CP: variants seen among roughly 807,000 people sequenced by gnomAD.
The protein encoded by CP is caeruloplasmin.
Under a neutral mutation model 122.4 loss-of-function variants are expected in CP, and 64 were observed. The ratio of observed to expected loss-of-function variants is 0.52; its 90% confidence interval spans 0.43 to 0.64. CP has a LOEUF of 0.64. CP is among the 30% of genes least tolerant of loss of function. The probability of loss-of-function intolerance (pLI) is 0.00; values close to 1 mark genes in which losing one functional copy is unlikely to be tolerated. For synonymous variants in CP, 440 were observed against 436.4 expected (o/e 1.01, Z -0.10); for missense variants, 1,167 against 1,284.4 (o/e 0.91, Z 1.40).
chr3:149,186,497 G>C (rs749410046), intron 11 of CP, 23 bp downstream of exon 11: 1 of 1,605,614 alleles, frequency 6.2e-7, no homozygotes, highest in East Asian at 2.2e-5. Flanking sequence ...ATCCAATAGA[G>C]ACTTGGCTTT....
chr3:149,178,030 T>C, intron 16 of CP, 51 bp from the exon 17 acceptor site: 1 of 1,514,616 alleles, frequency 6.6e-7, no homozygotes, highest in Non-Finnish European at 9.2e-7. Flanking sequence ...TTTAAACCAA[T>C]AGCTATTTCA....
chr3:149,186,551 A>G lies in CP; in HGVS notation c.2046T>C (p.Ser682=). 6.2e-7 allele frequency: 1 copy of G among 1,614,196 alleles called. No homozygotes were observed. The highest frequency in any genetic ancestry group is 8.5e-7 in the Non-Finnish European group (1 of 1,180,026). Residue 682 remains serine, a synonymous_variant, in exon 11 of 19, where the codon AGT becomes AGC. Transcript: ENST00000264613. ...RDTANLFPQT[S]LTLHMWPDTE... is the part of the protein sequence containing the mutation. ...TGTCAGGCCACATGTGGAGCGTAAGACTTGTTTGAGGGAAGAGGTTTGCTG... is the reference window on the plus strand; with the variant it reads ...TGTCAGGCCACATGTGGAGCGTAAGGCTTGTTTGAGGGAAGAGGTTTGCTG...
At chr3:149,220,638 T>G (rs1396016381) in intron 1 of CP, among the ~76,000 whole-genome samples, 1 of 152,096 alleles carries the variant, frequency 6.6e-6, no homozygotes, top group African/African-American at 2.4e-5. Flanking sequence ...GGTGAAAAAT[T>G]TCAACTTTAC....
chr3:149,203,926 A>G (rs937905866), intron 6 of CP, among the ~76,000 whole-genome samples: 4 of 152,188 alleles, frequency 2.6e-5, no homozygotes, highest in Non-Finnish European at 5.9e-5. Flanking sequence ...GGCCACAAAG[A>G]CATTCCAGAG....
At chr3:149,191,239 C>G (rs945415347) in intron 9 of CP, among the ~76,000 whole-genome samples, 1 of 110,786 alleles carries the variant, frequency 9.0e-6, no homozygotes, top group African/African-American at 3.4e-5. Context: ...TATCTCATTA[C>G]GCTATTTTTT....
In CP at chr3:149,183,552, T is replaced by G. The variant is rs373895996; in HGVS notation, c.2339A>C (p.Lys780Thr). 6.8e-6 allele frequency: 11 copies of G among 1,610,812 alleles called. No homozygotes were observed. The highest frequency in any genetic ancestry group is 6.7e-5 in the African/African-American group (5 of 74,804). Reference protein sequence around the residue: ...KGEFYIGSKYKKVVYRQYTDS... With the variant: ...KGEFYIGSKYTKVVYRQYTDS... ...AGTATACTGCCGATACACAACTTTC[T>G]TGTACTTTGAGCCTATGTAAAACTC... The change falls in exon 13 of 19, where the codon AAG (lysine) becomes ACG (threonine). Residue 780 changes from lysine to threonine, a missense_variant. By Grantham distance (78) the Lys-to-Thr change is moderately conservative. Transcript: ENST00000264613.
In CP at chr3:149,172,926, A is replaced by G. The variant is rs774417341; in HGVS notation, c.*788T>C. 7.9e-5 allele frequency: 12 copies of G among 152,626 alleles called. No homozygotes were observed. Among genetic ancestry groups the G allele is most frequent in the Non-Finnish European group, 1.8e-4 (12 of 68,038 alleles). 9.5% of individuals were successfully genotyped at this position (152,626 alleles called of 1,614,324 possible). A position where few individuals can be genotyped will look rare whatever the true frequency, so the allele number is the denominator to read the frequency against. On this transcript the variant is annotated 3_prime_UTR_variant, in exon 19 of 19. Transcript: ENST00000264613. ...ACTCTTGCTCTTTTAGCTAGAGTGT[A>G]TGTGAAAATAAAGAAATACATCATT...
At chr3:149,197,234 TG>T (rs1726951311) in intron 9 of CP, among the ~76,000 whole-genome samples, 1 of 152,316 alleles carries the variant, frequency 6.6e-6, no homozygotes, top group Non-Finnish European at 1.5e-5. Context: ...GCCTGTTTGG[TG>T]GTCTCTTCAC....
chr3:149,167,352 G>T, intron 4 of CP: 1 of 813,440 alleles, frequency 1.2e-6, no homozygotes, highest in South Asian at 1.4e-5. Context: ...ACATCATAAG[G>T]CTGTGTGGGT....
intron 14 of CP, 86 bp downstream of exon 14, chr3:149,181,919 C>A (rs1198217645): frequency 1.4e-5 from 20 of 1,475,638 alleles, no homozygotes; most frequent in Non-Finnish European, 1.9e-5. Flanking sequence ...CTTTCTTGGT[C>A]CAGACTCTCT....
rs1202628903 is a variant in CP, at chr3:149,175,677, G to GT, written c.3181+572dup. On this transcript the variant is annotated intron_variant, in intron 18 of 18. Transcript: ENST00000264613. ...TTCTCCATTTTAAGTGTGTGTGTGT[G>GT]TGTGTGTGTGTGTACCTACACATGG... 3.3e-5 allele frequency among the ~76,000 whole-genome samples: 5 copies of GT among 152,068 alleles called. No homozygotes were observed. In the East Asian group the frequency reaches 9.7e-4, roughly 29 times the overall value.
chr3:149,170,616 G>A (rs1347499018), downstream of CP: 1 of 152,092 alleles, frequency 6.6e-6, no homozygotes, highest in Non-Finnish European at 1.5e-5. Flanking sequence ...AAGTCTGTCT[G>A]GATTCCAGAA....
intron 4 of CP, chr3:149,166,920 C>G (rs879249563): frequency 6.1e-6 from 5 of 814,062 alleles, no homozygotes; most frequent in South Asian, 4.1e-5. Flanking sequence ...ATATGGCATT[C>G]TTTCTATTTT....
chr3:149,199,976 G>A (rs972278449), intron 7 of CP, 112 bp from the exon 8 acceptor site: 42 of 1,106,652 alleles, frequency 3.8e-5, no homozygotes, highest in Middle Eastern at 2.8e-4. Context: ...GGAGCAACAC[G>A]CTTATTTGTG....
At position 149,179,565 on chromosome 3, in the gene CP, A is replaced by G; in HGVS notation, c.2652T>C (p.Asp884=). Residue 884 remains aspartate, a synonymous_variant, in exon 15 of 19, where the codon GAT becomes GAC. Transcript: ENST00000264613. The part of the protein sequence containing the change: ...CIPWAYYSTV[D]QVKDLYSGLI... ...ATGATTTGTATTTTACCTTAACTTG[A>G]TCCACAGTTGAATAATAAGCCCATG... 1 of 1,611,652 alleles carries G rather than the reference A, an allele frequency of 6.2e-7. No homozygotes were observed. Among genetic ancestry groups the G allele is most frequent in the Non-Finnish European group, 8.5e-7 (1 of 1,177,874 alleles).
intron 6 of CP, among the ~76,000 whole-genome samples, chr3:149,204,119 G>A (rs1195665965): frequency 1.3e-5 from 2 of 152,218 alleles, no homozygotes; most frequent in Non-Finnish European, 2.9e-5. Context: ...AGACAGGGCA[G>A]AGGAGTGAAG....
At chr3:149,193,236 G>T (rs574506272) in intron 9 of CP, among the ~76,000 whole-genome samples, 1 of 152,248 alleles carries the variant, frequency 6.6e-6, no homozygotes, top group Non-Finnish European at 1.5e-5. Flanking sequence ...TAAGTCCCAA[G>T]ATTTGTTCCC....
chr3:149,185,261 G>A lies in CP; in HGVS notation c.2263C>T (p.Leu755=), dbSNP rs763571936. 6.2e-6 allele frequency: 10 copies of A among 1,612,960 alleles called. No individual in the cohort carries two copies. The Admixed American group carries it at 1.2e-4, about 19-fold the overall frequency. The change falls in exon 12 of 19, where the codon CTG becomes TTG. Residue 755 remains leucine (L), a synonymous_variant. Coordinates refer to ENST00000264613, the MANE Select transcript of CP (RefSeq NM_000096.4). ...YSPQREWEKE[L]HHLQEQNVSN... ...TACTTCTGCTCTTGTAAATGATGCAGCTCCTTTTCCCACTCCCTTTGTGGG... is the reference window on the plus strand; with the variant it reads ...TACTTCTGCTCTTGTAAATGATGCAACTCCTTTTCCCACTCCCTTTGTGGG...
chr3:149,199,099 T>C (rs1727115438), intron 8 of CP, among the ~76,000 whole-genome samples: 3 of 152,336 alleles, frequency 2.0e-5, no homozygotes, highest in African/African-American at 4.8e-5. Flanking sequence ...GCAAAGTCAC[T>C]AGTCTTCACT....
Sources: gnomAD v4.1 joint callset for allele counts (sites outside exome capture counted in the v4.1 genomes callset) on GRCh38, gnomAD v4.1.1 for gene constraint, MANE v1.5 for transcripts, NCBI Gene and HGNC (gene_info 2026-07-23, HGNC 2026-07-21) for gene names.